The following ATXN1 variants were observed in gnomAD, a reference collection of about 807,000 sequenced individuals.
ATXN1 encodes ataxin 1.
A neutral mutation model predicts 56.4 loss-of-function variants in ATXN1; 8 were observed. The ratio of observed to expected loss-of-function variants is 0.14; its 90% CI spans 0.08 to 0.26. The LOEUF is 0.26. Ranked by LOEUF, ATXN1 falls within the 10% of genes least tolerant of loss-of-function variation. The pLI, the probability that ATXN1 is intolerant of heterozygous loss-of-function variation, is 1.00. For synonymous variants in ATXN1, 514 were observed against 494.6 expected (o/e 1.04, Z -0.52); for missense variants, 987 against 1,106.5 (o/e 0.89, Z 1.53).
chr6:16,748,102 G>A (rs1478066626), intron 2 of ATXN1, among the ~76,000 whole-genome samples: 1 of 152,110 alleles, frequency 6.6e-6, no homozygotes, highest in African/African-American at 2.4e-5. Context: ...CCAATCCCCT[G>A]AAACGGATAA....
At chr6:16,720,896 G>C (rs1759732836) in intron 2 of ATXN1, among the ~76,000 whole-genome samples, 1 of 152,158 alleles carries the variant, frequency 6.6e-6, no homozygotes, top group African/African-American at 2.4e-5. Context: ...ATGCTGTTCA[G>C]GCCAGATACT....
chr6:16,647,949 G>A (rs939874959), intron 3 of ATXN1, among the ~76,000 whole-genome samples: 9 of 152,108 alleles, frequency 5.9e-5, no homozygotes, highest in African/African-American at 1.7e-4. Context: ...AGTGGCAGGT[G>A]CCTGTAATCC....
chr6:16,616,987 ATC>A (rs1763225139), intron 3 of ATXN1, among the ~76,000 whole-genome samples: 1 of 152,026 alleles, frequency 6.6e-6, no homozygotes, highest in Non-Finnish European at 1.5e-5. Context: ...ATTGTTGTTA[ATC>A]TCTAATTTAT....
intron 2 of ATXN1, among the ~76,000 whole-genome samples, chr6:16,724,409 T>A (rs1208495705): frequency 6.6e-6 from 1 of 152,128 alleles, no homozygotes; most frequent in Non-Finnish European, 1.5e-5. Flanking sequence ...AGCTGGAGTA[T>A]CTTTCATGAC....
At chr6:16,462,799 A>G (rs1237969546) in intron 6 of ATXN1, among the ~76,000 whole-genome samples, 5 of 152,002 alleles carry the variant, frequency 3.3e-5, no homozygotes, top group Non-Finnish European at 2.9e-5. Flanking sequence ...ACACTCTCCA[A>G]CTTCAAGCCC....
chr6:16,493,379 A>C (rs1233475064), intron 5 of ATXN1, among the ~76,000 whole-genome samples: 1 of 150,858 alleles, frequency 6.6e-6, no homozygotes, highest in Non-Finnish European at 1.5e-5. Flanking sequence ...ACCTCCCAAG[A>C]CCAGCTCAAA....
chr6:16,373,337 A>G (rs879842774), intron 6 of ATXN1, among the ~76,000 whole-genome samples: 2 of 152,128 alleles, frequency 1.3e-5, no homozygotes, highest in Non-Finnish European at 2.9e-5. Flanking sequence ...TTTATTTTCT[A>G]TCTGCTTCAC....
At chr6:16,348,254 A>G (rs923877481) in intron 6 of ATXN1, among the ~76,000 whole-genome samples, 2 of 152,122 alleles carry the variant, frequency 1.3e-5, no homozygotes, top group Admixed American at 1.3e-4. Flanking sequence ...TTATTCAGAT[A>G]GGGTTTCATC....
intron 3 of ATXN1, among the ~76,000 whole-genome samples, chr6:16,619,815 C>G (rs1763285217): frequency 6.8e-6 from 1 of 147,788 alleles, no homozygotes; most frequent in African/African-American, 2.5e-5. Context: ...GGCTGAGGGG[C>G]AAGGATCGCT....
At chr6:16,541,650 G>C (rs527597603) in intron 4 of ATXN1, among the ~76,000 whole-genome samples, 23 of 152,336 alleles carry the variant, frequency 1.5e-4, no homozygotes, top group Admixed American at 1.0e-3. Flanking sequence ...GCCAGGGAGA[G>C]AGAGCAATTT....
rs2113364054 is a variant in ATXN1, at chr6:16,301,349, C to T, written c.*4980G>A. Reference sequence around the variant, plus strand: ...TAAGGTAACGTATTTGAAGCGAGGTCATCTATGTAAAAGAAATCTCAGCTC... The same window carrying T: ...TAAGGTAACGTATTTGAAGCGAGGTTATCTATGTAAAAGAAATCTCAGCTC... On this transcript the variant is annotated 3_prime_UTR_variant, in exon 8 of 8. Coordinates refer to ENST00000436367, the MANE Select transcript of ATXN1 (RefSeq NM_001128164.2). 1 of 152,640 alleles carries T rather than the reference C, an allele frequency of 6.6e-6. No individual in the cohort carries two copies. The highest frequency in any genetic ancestry group is 1.9e-4 in the East Asian group (1 of 5,176). The allele number at this position is 152,640 out of a possible 1,614,324, so 9.5% of individuals were successfully genotyped here.
chr6:16,493,136 T>C (rs1760702900), intron 5 of ATXN1, among the ~76,000 whole-genome samples: 1 of 152,242 alleles, frequency 6.6e-6, no homozygotes, highest in Non-Finnish European at 1.5e-5. Context: ...CTTCCTAAAG[T>C]AGATATAACA....
chr6:16,586,510 C>T lies in ATXN1; in HGVS notation c.-488-603G>A, dbSNP rs1202056238. Among the ~76,000 whole-genome samples the T allele has an allele frequency of 2.0e-5, 3 of 152,282 alleles. No homozygotes were observed. The East Asian group carries it at 5.8e-4, about 29-fold the overall frequency. ...TATGTTCTGGGCCATGTGCTAAGGG[C>T]TTTACACACATTGCCCCACTCCACT... On this transcript the variant is annotated intron_variant, in intron 3 of 7. Transcript: ENST00000436367.
intron 6 of ATXN1, among the ~76,000 whole-genome samples, chr6:16,342,465 G>C (rs1052186107): frequency 1.3e-5 from 2 of 152,208 alleles, no homozygotes; most frequent in Admixed American, 6.5e-5. Flanking sequence ...CATTTTGGCA[G>C]TTCCTCAAAA....
At chr6:16,589,585 G>T (rs1000297677) in intron 3 of ATXN1, among the ~76,000 whole-genome samples, 1 of 152,106 alleles carries the variant, frequency 6.6e-6, no homozygotes, top group Non-Finnish European at 1.5e-5. Context: ...ATTCATCTGT[G>T]AAACGGGCTA....
chr6:16,662,656 C>CCA (rs1322289184), intron 2 of ATXN1, among the ~76,000 whole-genome samples: 1 of 152,144 alleles, frequency 6.6e-6, no homozygotes, highest in African/African-American at 2.4e-5. Context: ...TCTTAACCTG[C>CCA]CACATAGCTC....
At chr6:16,629,105 C>T (rs111670084) in intron 3 of ATXN1, among the ~76,000 whole-genome samples, 1 of 151,968 alleles carries the variant, frequency 6.6e-6, no homozygotes, top group East Asian at 1.9e-4. Flanking sequence ...TAAGTGTTCC[C>T]TTTCTCCGCA....
At chr6:16,439,563 T>C (rs1248359352) in intron 6 of ATXN1, among the ~76,000 whole-genome samples, 1 of 151,976 alleles carries the variant, frequency 6.6e-6, no homozygotes, top group African/African-American at 2.4e-5. Flanking sequence ...CTGTGTTAAT[T>C]TGGAAAAGAT....
At chr6:16,593,617 TTCTA>T (rs1023287371) in intron 3 of ATXN1, among the ~76,000 whole-genome samples, 2 of 152,166 alleles carry the variant, frequency 1.3e-5, no homozygotes, top group Admixed American at 1.3e-4. Flanking sequence ...ATCTTAAATT[TTCTA>T]TCTATCACTC....
Sources: gnomAD v4.1 joint callset for allele counts (sites outside exome capture counted in the v4.1 genomes callset) on GRCh38, gnomAD v4.1.1 for gene constraint, MANE v1.5 for transcripts, NCBI Gene and HGNC (gene_info 2026-07-23, HGNC 2026-07-21) for gene names.